Variants in ABRAXAS2 observed in about 807,000 individuals in gnomAD.
The protein encoded by ABRAXAS2 is BRISC complex subunit Abraxas 2.
Under a neutral mutation model 49.0 loss-of-function variants are expected in ABRAXAS2, and 23 were observed. The ratio of observed to expected loss-of-function variants is 0.47; its 90% CI spans 0.34 to 0.66. ABRAXAS2 has a LOEUF of 0.66. ABRAXAS2 is among the 30% of genes least tolerant of loss of function. ABRAXAS2 has a pLI of 0.01. For missense variants in ABRAXAS2, 443 were observed against 511.9 expected (o/e 0.87, Z 1.30); for synonymous variants, 168 against 180.2 (o/e 0.93, Z 0.54).
chr10:124,834,681 T>C lies in ABRAXAS2; in HGVS notation c.958T>C (p.Leu320=). The change falls in exon 9 of 9, where the codon TTG becomes CTG. Residue 320 remains leucine (L), a synonymous_variant. Transcript: ENST00000298492. ...TCACCCAAACAATCAAGAAAGTACT[T>C]TGAGCCACTCTCGCATGGAAAGGAG... The part of the protein sequence containing the change: ...DFHPNNQEST[L]SHSRMERSVF... 4.3e-6 allele frequency: 7 copies of C among 1,614,140 alleles called. No homozygotes were observed. The South Asian group carries it at 6.6e-5, about 15-fold the overall frequency.
At chr10:124,805,916 G>A (rs143842815) in intron 1 of ABRAXAS2, among the ~76,000 whole-genome samples, 3,017 of 152,236 alleles carry the variant, frequency 0.02, 57 homozygotes, top group South Asian at 0.078. Flanking sequence ...AGAACATGGC[G>A]CAAGTACACA....
At chr10:124,802,378 C>T (rs2683598) in intron 1 of ABRAXAS2, among the ~76,000 whole-genome samples, 151,857 of 152,374 alleles carry the variant, frequency 1, 75,676 homozygotes, top group Middle Eastern at 1. Flanking sequence ...GCTGTCACTA[C>T]TGATACTTGT....
chr10:124,833,060 C>T (rs1467067351), intron 8 of ABRAXAS2, among the ~76,000 whole-genome samples: 3 of 146,012 alleles, frequency 2.1e-5, no homozygotes, highest in African/African-American at 5.1e-5. Context: ...GCGGGAGAAT[C>T]GTTTGAACCC....
At chr10:124,827,838 G>T (rs1950906505) in intron 5 of ABRAXAS2, among the ~76,000 whole-genome samples, 2 of 151,664 alleles carry the variant, frequency 1.3e-5, no homozygotes, top group Admixed American at 1.3e-4. Context: ...AAGTTTATTT[G>T]TTGTAGAATA....
chr10:124,806,165 G>C (rs1950741836), intron 1 of ABRAXAS2, among the ~76,000 whole-genome samples: 1 of 151,518 alleles, frequency 6.6e-6, no homozygotes, highest in South Asian at 2.1e-4. Flanking sequence ...AATTAGCCAG[G>C]CATGGTGGCG....
intron 8 of ABRAXAS2, among the ~76,000 whole-genome samples, chr10:124,832,011 C>T (rs1950936781): frequency 6.6e-6 from 1 of 151,666 alleles, no homozygotes; most frequent in African/African-American, 2.4e-5. Context: ...TGCCACCATG[C>T]CCAGCTAATT....
At chr10:124,803,297 GT>G (rs1349821837) in intron 1 of ABRAXAS2, among the ~76,000 whole-genome samples, 6 of 152,196 alleles carry the variant, frequency 3.9e-5, no homozygotes, top group African/African-American at 1.4e-4. Context: ...AATGCCAATA[GT>G]TTGCAACTGT....
chr10:124,825,267 G>A (rs1008358062), intron 4 of ABRAXAS2, among the ~76,000 whole-genome samples: 20 of 140,748 alleles, frequency 1.4e-4, no homozygotes, highest in Non-Finnish European at 2.4e-4. Flanking sequence ...GCTGTGAGCC[G>A]AGATCATGCC....
intron 4 of ABRAXAS2, among the ~76,000 whole-genome samples, chr10:124,822,900 G>A (rs1211683444): frequency 6.6e-6 from 1 of 152,050 alleles, no homozygotes; most frequent in Non-Finnish European, 1.5e-5. Flanking sequence ...TTGAGACACA[G>A]AAGGCCACTC....
intron 2 of ABRAXAS2, among the ~76,000 whole-genome samples, chr10:124,810,652 A>G (rs1263505616): frequency 2.7e-5 from 4 of 149,976 alleles, no homozygotes; most frequent in Non-Finnish European, 5.9e-5. Flanking sequence ...GTGCAATCTC[A>G]GCTCACTGCA....
intron 1 of ABRAXAS2, among the ~76,000 whole-genome samples, chr10:124,804,354 C>G (rs1029821935): frequency 2.0e-5 from 3 of 152,266 alleles, no homozygotes; most frequent in African/African-American, 7.2e-5. Flanking sequence ...CCAAAACTTA[C>G]AAAATAATTA....
chr10:124,811,083 C>T (rs1231204186), intron 2 of ABRAXAS2, among the ~76,000 whole-genome samples: 7 of 151,238 alleles, frequency 4.6e-5, no homozygotes, highest in African/African-American at 1.7e-4. Context: ...GCCGGACAGG[C>T]GCCTGTAGTC....
chr10:124,805,826 G>A (rs1950738782), intron 1 of ABRAXAS2, among the ~76,000 whole-genome samples: 1 of 152,098 alleles, frequency 6.6e-6, no homozygotes, highest in South Asian at 2.1e-4. Flanking sequence ...GAGATTCCAG[G>A]ACAGCTTCTC....
rs532080180 is a variant in ABRAXAS2, at chr10:124,811,075, C to T, written c.163+4154C>T. On this transcript the variant is annotated intron_variant, in intron 2 of 8. Transcript: ENST00000298492. ...TCTACTAAAAATACAAAAAATTAGC[C>T]GGACAGGCGCCTGTAGTCCCAGCTA... is the stretch of plus-strand genomic sequence containing the variant. 7.5e-4 allele frequency among the ~76,000 whole-genome samples: 114 copies of T among 151,100 alleles called. 3 individuals carry two copies. In the South Asian group the frequency reaches 0.021, roughly 28 times the overall value.
chr10:124,829,391 A>G lies in ABRAXAS2; in HGVS notation c.579-2A>G. The G allele has an allele frequency of 5.6e-6, 9 of 1,602,466 alleles. No homozygotes were observed. The highest frequency in any genetic ancestry group is 7.7e-6 in the Non-Finnish European group (9 of 1,171,804). Reference sequence around the variant, plus strand: ...GGCATCTTTTTTCTGTTTGTCTTCCAGTACTGACTTTTTTGACAAGGATGG... The same window carrying G: ...GGCATCTTTTTTCTGTTTGTCTTCCGGTACTGACTTTTTTGACAAGGATGG... On this transcript the variant is annotated splice_acceptor_variant, in intron 6 of 8. Coordinates refer to ENST00000298492, the MANE Select transcript of ABRAXAS2 (RefSeq NM_032182.4). LOFTEE classifies it high-confidence loss of function.
chr10:124,828,193 T>G (rs1217255484), intron 5 of ABRAXAS2, among the ~76,000 whole-genome samples: 1 of 152,130 alleles, frequency 6.6e-6, no homozygotes, highest in Admixed American at 6.5e-5. Flanking sequence ...TTTATTTTAA[T>G]TTTATTATTA....
chr10:124,831,167 C>T (rs1187897431), intron 7 of ABRAXAS2, among the ~76,000 whole-genome samples, 182 bp from the exon 8 acceptor site: 4 of 152,166 alleles, frequency 2.6e-5, no homozygotes, highest in Non-Finnish European at 5.9e-5. Context: ...AAAATTAAAG[C>T]AAATCAGTGA....
At chr10:124,811,609 G>A (rs148116381) in intron 2 of ABRAXAS2, among the ~76,000 whole-genome samples, 2,974 of 151,778 alleles carry the variant, frequency 0.02, 56 homozygotes, top group South Asian at 0.078. Flanking sequence ...ATGGTGACAC[G>A]GGTCTGTAAT....
intron 4 of ABRAXAS2, among the ~76,000 whole-genome samples, chr10:124,824,680 C>T (rs1368502920): frequency 1.3e-5 from 2 of 152,158 alleles, no homozygotes; most frequent in Non-Finnish European, 2.9e-5. Flanking sequence ...TGAAAACAGC[C>T]AGTGTGCTGA....
Sources: gnomAD v4.1 joint callset for allele counts (sites outside exome capture counted in the v4.1 genomes callset) on GRCh38, gnomAD v4.1.1 for gene constraint, MANE v1.5 for transcripts, NCBI Gene and HGNC (gene_info 2026-07-23, HGNC 2026-07-21) for gene names.